The following MATK variants were observed in gnomAD, a reference collection of about 807,000 sequenced individuals.
MATK encodes the protein megakaryocyte-associated tyrosine kinase.
Under a neutral mutation model 59.8 loss-of-function variants are expected in MATK, and 41 were observed. The observed-to-expected ratio is 0.69, with a 90% confidence interval of 0.53 to 0.89. The LOEUF is 0.89. Ranked by LOEUF, MATK falls within the 40% of genes least tolerant of loss-of-function variation. MATK has a pLI of 0.00. For missense variants in MATK, 593 were observed against 719.6 expected, an observed-to-expected ratio of 0.82 and a Z score of 2.01; for synonymous variants, 308 against 306.1, an observed-to-expected ratio of 1.01 and a Z score of -0.06.
chr19:3,789,690 G>C (rs1326981340), upstream of MATK, among the ~76,000 whole-genome samples: 2 of 151,866 alleles, frequency 1.3e-5, no homozygotes, highest in Non-Finnish European at 2.9e-5. Context: ...GCCTCAGGAG[G>C]GGGTGAGGCA....
At chr19:3,795,751 C>CTT (rs530367941) in intron 1 of MATK, among the ~76,000 whole-genome samples, 684 of 54,780 alleles carry the variant, frequency 0.012, 237 homozygotes, top group African/African-American at 0.03. Context: ...TAAGTAGGTG[C>CTT]TTTTTTTTTT....
chr19:3,796,546 G>T (rs997819480), intron 1 of MATK, among the ~76,000 whole-genome samples: 5 of 152,164 alleles, frequency 3.3e-5, no homozygotes, highest in African/African-American at 9.7e-5. Flanking sequence ...TCTGGGACCT[G>T]CTTTTTTATT....
chr19:3,800,107 G>T (rs953794808), intron 1 of MATK, among the ~76,000 whole-genome samples: 33 of 143,808 alleles, frequency 2.3e-4, no homozygotes, highest in African/African-American at 8.0e-4. Context: ...GTGCCACTGC[G>T]CTCCAGCCTG....
intron 1 of MATK, among the ~76,000 whole-genome samples, chr19:3,797,077 G>A (rs1425085386): frequency 6.6e-6 from 1 of 152,032 alleles, no homozygotes; most frequent in Non-Finnish European, 1.5e-5. Context: ...TGAGTACTTG[G>A]TGGGCTCTTT....
At chr19:3,783,258 G>A (rs748949812) in intron 6 of MATK, 39 bp from the exon 7 acceptor site, 2 of 1,437,796 alleles carry the variant, frequency 1.4e-6, no homozygotes, top group South Asian at 1.1e-5. Context: ...CAGCCCCAGG[G>A]AGGGGAACCC....
chr19:3,784,904 C>T lies in MATK; in HGVS notation c.73-20G>A. The T allele has an allele frequency of 6.7e-7, 1 of 1,499,444 alleles. No homozygotes were observed. Among genetic ancestry groups the T allele is most frequent in the Non-Finnish European group, 9.1e-7 (1 of 1,099,048 alleles). The allele number at this position is 1,499,444 out of a possible 1,614,324, so 92.9% of individuals were successfully genotyped here. On this transcript the variant is annotated intron_variant, in intron 2 of 13. Transcript: ENST00000310132. Reference sequence around the variant, plus strand: ...GCTCACCTGGGGAGGGGACAGAGTCCAGGTGGGAGCTGGGCTGGGACCCAC... The same window carrying T: ...GCTCACCTGGGGAGGGGACAGAGTCTAGGTGGGAGCTGGGCTGGGACCCAC...
intron 4 of MATK, 49 bp from the exon 5 acceptor site, chr19:3,784,288 C>G: frequency 6.3e-7 from 1 of 1,594,934 alleles, no homozygotes; most frequent in African/African-American, 1.3e-5. Context: ...GGGGGTGGTC[C>G]TGGTGGAGCC....
At chr19:3,794,654 C>CA (rs754620584) in intron 1 of MATK, among the ~76,000 whole-genome samples, 43 of 151,896 alleles carry the variant, frequency 2.8e-4, no homozygotes, top group Middle Eastern at 3.4e-3. Flanking sequence ...GACCCTGTCT[C>CA]AAAAAAAGAA....
rs1251566963 is a variant in MATK at position 3,778,334 on chromosome 19, C to G, written c.1373G>C (p.Ser458Thr). Residue 458 changes from serine (S) to threonine (T), a missense_variant, in exon 14 of 14, where the codon AGC becomes ACC. Physicochemically the swap from Ser to Thr is moderately conservative, Grantham distance 58. Transcript: ENST00000310132. The part of the protein sequence containing the change: ...GCPGPVHVLM[S>T]SCWEAEPARR... The stretch of plus-strand genomic sequence containing the variant: ...GGCGGGCTCTGCCTCCCAGCAGCTG[C>G]TCATGAGGACGTGCACGGGGCCTGG... 1.5e-5 allele frequency: 24 copies of G among 1,579,234 alleles called. No homozygotes were observed. The highest frequency in any genetic ancestry group is 2.1e-5 in the Non-Finnish European group (24 of 1,166,576).
chr19:3,779,847 A>G, intron 8 of MATK, 50 bp from the exon 9 acceptor site: 1 of 1,111,062 alleles, frequency 9.0e-7, no homozygotes, highest in Non-Finnish European at 1.4e-6. Context: ...CCCAACAAAC[A>G]GGGACAGAGA....
chr19:3,782,989 G>C, intron 7 of MATK, 137 bp downstream of exon 7: 1 of 729,258 alleles, frequency 1.4e-6, no homozygotes, highest in Non-Finnish European at 2.3e-6. Flanking sequence ...AGGCAGCCCA[G>C]GTCTTCTATC....
chr19:3,785,195 G>T lies in MATK; in HGVS notation c.-60C>A. 6.2e-7 allele frequency: 1 copy of T among 1,610,804 alleles called. No homozygotes were observed. Among genetic ancestry groups the T allele is most frequent in the Non-Finnish European group, 8.5e-7 (1 of 1,179,076 alleles). On this transcript the variant is annotated 5_prime_UTR_variant, in exon 2 of 14. Coordinates refer to ENST00000310132, the MANE Select transcript of MATK (RefSeq NM_139355.3). Reference sequence around the variant, plus strand: ...ACACTGAGCAAGTGGTCACAGTCGGGGACGCTGGGAATGGCCTGCCACAGG... The same window carrying T: ...ACACTGAGCAAGTGGTCACAGTCGGTGACGCTGGGAATGGCCTGCCACAGG...
upstream of MATK, among the ~76,000 whole-genome samples, chr19:3,791,295 CT>C (rs1482873657): frequency 6.6e-6 from 1 of 152,010 alleles, no homozygotes; most frequent in Admixed American, 6.5e-5. Context: ...CACCAGGCTT[CT>C]GTCCTTTGCA....
intron 1 of MATK, 96 bp from the exon 2 acceptor site, chr19:3,785,382 G>A (rs1392968661): frequency 1.2e-6 from 1 of 838,248 alleles, no homozygotes; most frequent in Admixed American, 2.9e-5. Flanking sequence ...GGCAGGGGCG[G>A]GTCCTGTAGC....
intron 1 of MATK, among the ~76,000 whole-genome samples, chr19:3,794,160 A>C (rs58950909): frequency 0.23 from 35,734 of 152,072 alleles, 4,367 homozygotes; most frequent in Non-Finnish European, 0.28. Flanking sequence ...GGTCACCCTT[A>C]GTTACTCTCT....
At chr19:3,790,385 C>G (rs1021513215), upstream of MATK, among the ~76,000 whole-genome samples, 1 of 152,192 alleles carries the variant, frequency 6.6e-6, no homozygotes, top group African/African-American at 2.4e-5. Context: ...GGTCACCCTC[C>G]TGGTGCAGGC....
chr19:3,794,097 A>C (rs2037570333), intron 1 of MATK, among the ~76,000 whole-genome samples: 1 of 152,014 alleles, frequency 6.6e-6, no homozygotes, highest in Non-Finnish European at 1.5e-5. Flanking sequence ...AAGGCCAGCT[A>C]CTTCTCTGCA....
chr19:3,798,684 T>A (rs1036648621), intron 1 of MATK, among the ~76,000 whole-genome samples: 1 of 151,884 alleles, frequency 6.6e-6, no homozygotes, highest in Non-Finnish European at 1.5e-5. Flanking sequence ...CTAATTTTTT[T>A]TTTTTTTGGT....
At chr19:3,778,930 G>A (rs1469991736) in intron 12 of MATK, 62 bp downstream of exon 12, 1 of 1,460,978 alleles carries the variant, frequency 6.8e-7, no homozygotes, top group African/African-American at 1.4e-5. Context: ...GACATACCCA[G>A]GGTCATACAG....
Sources: gnomAD v4.1 joint callset for allele counts (sites outside exome capture counted in the v4.1 genomes callset) on GRCh38, gnomAD v4.1.1 for gene constraint, MANE v1.5 for transcripts, NCBI Gene and HGNC (gene_info 2026-07-23, HGNC 2026-07-21) for gene names.